The following GALNTL6 variants were observed in gnomAD, a reference collection of about 807,000 sequenced individuals.
GALNTL6 encodes polypeptide N-acetylgalactosaminyltransferase-like 6.
A neutral mutation model predicts 73.7 loss-of-function variants in GALNTL6; 46 were observed. That is an observed-to-expected ratio of 0.62 (90% CI 0.49 to 0.80). The LOEUF is 0.80. GALNTL6 is among the 30% of genes least tolerant of loss of function. GALNTL6 has a pLI of 0.00. For synonymous variants in GALNTL6, 259 were observed against 263.7 expected, an observed-to-expected ratio of 0.98 and a Z score of 0.17; for missense variants, 604 against 755.0, an observed-to-expected ratio of 0.80 and a Z score of 2.34.
At chr4:172,456,722 T>G (rs1247368177) in intron 5 of GALNTL6, among the ~76,000 whole-genome samples, 1 of 151,924 alleles carries the variant, frequency 6.6e-6, no homozygotes, top group African/African-American at 2.4e-5. Flanking sequence ...AAACCTATGT[T>G]TGATTGGTGT....
intron 5 of GALNTL6, among the ~76,000 whole-genome samples, chr4:172,778,024 A>G (rs1188497146): frequency 6.6e-6 from 1 of 152,272 alleles, no homozygotes; most frequent in Non-Finnish European, 1.5e-5. Context: ...CTAAGCATAA[A>G]GCCTCTTCGT....
chr4:172,975,675 G>A (rs983785999), intron 10 of GALNTL6, among the ~76,000 whole-genome samples: 47 of 152,122 alleles, frequency 3.1e-4, no homozygotes, highest in African/African-American at 1.1e-3. Context: ...ATGCCTGCAG[G>A]TACAAGCTGA....
At chr4:172,516,473 C>T (rs1484003288) in intron 5 of GALNTL6, among the ~76,000 whole-genome samples, 1 of 152,032 alleles carries the variant, frequency 6.6e-6, no homozygotes, top group Non-Finnish European at 1.5e-5. Context: ...TATCATTGTC[C>T]TCCAAACAAA....
intron 5 of GALNTL6, among the ~76,000 whole-genome samples, chr4:172,615,373 A>G (rs993862526): frequency 6.6e-6 from 1 of 152,066 alleles, no homozygotes; most frequent in Non-Finnish European, 1.5e-5. Context: ...GTATTATAAT[A>G]GCTCTCCTCT....
intron 5 of GALNTL6, among the ~76,000 whole-genome samples, chr4:172,469,153 C>T (rs886424126): frequency 6.6e-6 from 1 of 152,004 alleles, no homozygotes; most frequent in African/African-American, 2.4e-5. Context: ...CAGGAATGGT[C>T]ATGAGAAGAT....
At chr4:171,853,038 T>C (rs143496941) in intron 2 of GALNTL6, among the ~76,000 whole-genome samples, 1 of 138,910 alleles carries the variant, frequency 7.2e-6, no homozygotes, top group Admixed American at 7.2e-5. Flanking sequence ...TTTTTTTTTG[T>C]ATTTTTAGTA....
chr4:172,646,601 T>C (rs1740254013), intron 5 of GALNTL6, among the ~76,000 whole-genome samples: 1 of 152,044 alleles, frequency 6.6e-6, no homozygotes, highest in Admixed American at 6.6e-5. Context: ...TTTTGTATAA[T>C]ACAGTATTTG....
intron 2 of GALNTL6, among the ~76,000 whole-genome samples, chr4:172,200,365 G>T (rs975003216): frequency 6.6e-6 from 1 of 152,148 alleles, no homozygotes; most frequent in African/African-American, 2.4e-5. Flanking sequence ...CTGCATTAAG[G>T]AAATTCGATT....
At chr4:172,257,105 G>T (rs1738106790) in intron 3 of GALNTL6, among the ~76,000 whole-genome samples, 1 of 151,278 alleles carries the variant, frequency 6.6e-6, no homozygotes, top group African/African-American at 2.4e-5. Context: ...AGTGAATAGG[G>T]CAAGTTTTTC....
intron 2 of GALNTL6, among the ~76,000 whole-genome samples, chr4:172,196,065 A>T (rs1226974166): frequency 6.6e-6 from 1 of 151,724 alleles, no homozygotes; most frequent in African/African-American, 2.4e-5. Context: ...GTAAAGAAAA[A>T]AAAAAGAGAG....
rs768770395 is a variant in GALNTL6 at position 172,809,410 on chromosome 4, G to A, written c.603G>A (p.Val201=). Residue 201 remains valine (V), a synonymous_variant, in exon 6 of 13, where the codon GTG becomes GTA. Coordinates refer to ENST00000506823, the MANE Select transcript of GALNTL6 (RefSeq NM_001034845.3). The surrounding 1 kb of genome is among the most constrained non-coding windows in gnomAD (Gnocchi z 4.4). ...LEEYMARFSK[V]RIVRTKKREG... ...AATACATGGCCCGATTTTCCAAAGT[G>A]AGGATTGTTCGCACCAAGAAAAGAG... 4 of 1,613,962 alleles carry A rather than the reference G, an allele frequency of 2.5e-6. No individual in the cohort carries two copies. Among genetic ancestry groups the A allele is most frequent in the Middle Eastern group, 3.3e-4 (2 of 6,058 alleles).
chr4:172,586,222 A>G (rs1438409511), intron 5 of GALNTL6, among the ~76,000 whole-genome samples: 2 of 152,236 alleles, frequency 1.3e-5, no homozygotes, highest in African/African-American at 4.8e-5. Context: ...TATTAAAGGA[A>G]TTAATAAATA....
rs138997067 is a variant in GALNTL6, at chr4:172,851,558, C to T, written c.924-31232C>T. On this transcript the variant is annotated intron_variant, in intron 7 of 12. Coordinates refer to ENST00000506823, the MANE Select transcript of GALNTL6 (RefSeq NM_001034845.3). ...TCAGTTCACTAACTAAAATCAAGAACCTTCTTTAAGGCCAGGATCACATAT... is the reference window on the plus strand; with the variant it reads ...TCAGTTCACTAACTAAAATCAAGAATCTTCTTTAAGGCCAGGATCACATAT... 8.4e-4 allele frequency among the ~76,000 whole-genome samples: 128 copies of T among 152,128 alleles called. 2 individuals are homozygous for T. The highest frequency in any genetic ancestry group is 2.9e-3 in the African/African-American group (122 of 41,498).
intron 5 of GALNTL6, among the ~76,000 whole-genome samples, chr4:172,494,199 A>G (rs1025380697): frequency 6.6e-6 from 1 of 152,242 alleles, no homozygotes; most frequent in Non-Finnish European, 1.5e-5. Context: ...GGCACTGTAC[A>G]AAGCTCTTGA....
intron 5 of GALNTL6, among the ~76,000 whole-genome samples, chr4:172,435,281 G>T (rs1387839717): frequency 1.3e-5 from 2 of 152,128 alleles, no homozygotes; most frequent in Non-Finnish European, 2.9e-5. Flanking sequence ...TAGATGACTG[G>T]CTTGGGTGTC....
In GALNTL6 at chr4:172,622,618, A is replaced by T. The variant is rs1244471957; in HGVS notation, c.554-186743A>T. 2.0e-5 allele frequency among the ~76,000 whole-genome samples: 3 copies of T among 152,172 alleles called. 1 individual carries two copies. The highest frequency in any genetic ancestry group is 7.2e-5 in the African/African-American group (3 of 41,440). On this transcript the variant is annotated intron_variant, in intron 5 of 12. Coordinates refer to ENST00000506823, the MANE Select transcript of GALNTL6 (RefSeq NM_001034845.3). ...ACACTTTTCCAGAAATCTGCTAGATAATATGCTCCTCTGAAACTAGGAAGA... is the reference window on the plus strand; with the variant it reads ...ACACTTTTCCAGAAATCTGCTAGATTATATGCTCCTCTGAAACTAGGAAGA...
At chr4:172,984,601 T>C (rs1031823993) in intron 10 of GALNTL6, among the ~76,000 whole-genome samples, 2 of 152,028 alleles carry the variant, frequency 1.3e-5, no homozygotes, top group Non-Finnish European at 2.9e-5. Flanking sequence ...CAATAGACAC[T>C]GGGGACTCCG....
chr4:172,382,653 T>TA (rs1289631633), intron 5 of GALNTL6, among the ~76,000 whole-genome samples: 4 of 152,154 alleles, frequency 2.6e-5, no homozygotes, highest in African/African-American at 9.7e-5. Context: ...GTGTTATGTC[T>TA]AAAAAACCAT....
rs146013236 is a variant in GALNTL6, at chr4:172,656,174, T to C, written c.554-153187T>C. On this transcript the variant is annotated intron_variant, in intron 5 of 12. Transcript: ENST00000506823. ...ACAGGAGGAAATGCTCAAATCTGTC[T>C]CCCTGAGCGAGGGTTGGGTCTGGGT... 3.5e-3 allele frequency among the ~76,000 whole-genome samples: 539 copies of C among 152,220 alleles called. 1 individual carries two copies. The highest frequency in any genetic ancestry group is 0.01 in the Middle Eastern group (3 of 294).
Sources: allele counts gnomAD v4.1 joint callset (sites outside exome capture counted in the v4.1 genomes callset), GRCh38; gene constraint gnomAD v4.1.1; non-coding constraint Gnocchi (gnomAD v3.1); transcripts MANE v1.5; gene names NCBI Gene and HGNC (gene_info 2026-07-23, HGNC 2026-07-21).